Variants in XIRP1 observed in about 807,000 individuals in gnomAD.
XIRP1 encodes the protein xin actin binding repeat containing 1, also known as xin actin-binding repeat-containing protein 1.
For synonymous variants in XIRP1, 984 were observed against 947.0 expected, an observed-to-expected ratio of 1.04 and a Z score of -0.72; for missense variants, 2,378 against 2,345.4, an observed-to-expected ratio of 1.01 and a Z score of -0.29.
rs1049241332 is a variant in XIRP1 at position 39,188,168 on chromosome 3, CTG to C, written c.1276_1277del (p.Gln426GlufsTer7). The C allele has an allele frequency of 3.7e-5, 59 of 1,614,064 alleles. No individual in the cohort carries two copies. The highest frequency in any genetic ancestry group is 4.7e-5 in the Non-Finnish European group (56 of 1,180,028). ...SDSSSALPFS[Q>X]SAPQRDELKG... is the part of the protein sequence containing the mutation. ...TTAGCTCATCCCTCTGGGGGGCACT[CTG>C]AGAGAAGGGCAGTGCTGAGGAGCTG... On this transcript the variant is annotated frameshift_variant, in exon 2 of 2. Transcript: ENST00000340369. LOFTEE classifies it low-confidence loss of function (END_TRUNC).
In XIRP1 at chr3:39,183,582, G is replaced by A. The variant is rs932521176; in HGVS notation, c.*332C>T. On this transcript the variant is annotated 3_prime_UTR_variant, in exon 2 of 2. Coordinates refer to ENST00000340369, the MANE Select transcript of XIRP1 (RefSeq NM_194293.4). ...GGGGGGCTCCAATTCAGGCAGTGGT[G>A]TGCAAATTCACACATGTCGATGCGT... is the stretch of plus-strand genomic sequence containing the variant. 10 of 293,822 alleles carry A rather than the reference G, an allele frequency of 3.4e-5. No homozygotes were observed. The highest frequency in any genetic ancestry group is 2.9e-4 in the South Asian group (4 of 13,852). The allele number at this position is 293,822 out of a possible 1,614,324, so 18.2% of individuals were successfully genotyped here.
Position 39,186,815 on chromosome 3 carries a change from C to G in XIRP1, c.2631G>C (p.Glu877Asp). 1 of 1,613,984 alleles carries G rather than the reference C, an allele frequency of 6.2e-7. No homozygotes were observed. The highest frequency in any genetic ancestry group is 1.1e-5 in the South Asian group (1 of 91,084). Reference sequence around the variant, plus strand: ...GACCGCAAGCCAGCAGCTGCTGGAGCTCAGGGTCCATGTCTTCAATATTCC... The same window carrying G: ...GACCGCAAGCCAGCAGCTGCTGGAGGTCAGGGTCCATGTCTTCAATATTCC... ...SSGNIEDMDPELQQLLACGLG... is the reference protein window; with the variant it reads ...SSGNIEDMDPDLQQLLACGLG... The change falls in exon 2 of 2, where the codon GAG becomes GAC. Residue 877 changes from glutamate to aspartate, a missense_variant. Glu to Asp is a conservative substitution (Grantham distance 45). Coordinates refer to ENST00000340369, the MANE Select transcript of XIRP1 (RefSeq NM_194293.4).
chr3:39,190,852 C>G (rs1056457498), intron 1 of XIRP1, among the ~76,000 whole-genome samples: 3 of 152,198 alleles, frequency 2.0e-5, no homozygotes, highest in Non-Finnish European at 4.4e-5. Flanking sequence ...GGCCTCAGAA[C>G]AGCAGCCCTG....
Position 39,184,413 on chromosome 3 carries a change from GC to G in XIRP1, c.5032del (p.Ala1678ProfsTer6). On this transcript the variant is annotated frameshift_variant, in exon 2 of 2. Coordinates refer to ENST00000340369, the MANE Select transcript of XIRP1 (RefSeq NM_194293.4). LOFTEE classifies it low-confidence loss of function (END_TRUNC). ...GGGAGTCTCTAGAGGCTTCCTTGTGGCCGACTGGATGGAGATAAATGTTGGG... is the reference window on the plus strand; with the variant it reads ...GGGAGTCTCTAGAGGCTTCCTTGTGGCGACTGGATGGAGATAAATGTTGGG... ...SSPTFISIQS[A>X]TRKPLETPSF... 6.2e-7 allele frequency: 1 copy of G among 1,614,196 alleles called. No homozygotes were observed. Among genetic ancestry groups the G allele is most frequent in the Non-Finnish European group, 8.5e-7 (1 of 1,180,040 alleles).
At position 39,188,281 on chromosome 3, in the gene XIRP1, G is replaced by T; in HGVS notation, c.1165C>A (p.Pro389Thr). The part of the protein sequence containing the change: ...RSTLWLFETK[P>T]LDAFRDKVQV... The stretch of plus-strand genomic sequence containing the variant: ...ACCTTGTCTCTGAAAGCATCCAGGG[G>T]CTTTGTTTCAAATAGCCACAGGGTG... Residue 389 changes from proline to threonine, a missense_variant, in exon 2 of 2, where the codon CCC becomes ACC. Coordinates refer to ENST00000340369, the MANE Select transcript of XIRP1 (RefSeq NM_194293.4). The T allele has an allele frequency of 6.2e-7, 1 of 1,614,188 alleles. No homozygotes were observed. The highest frequency in any genetic ancestry group is 1.1e-5 in the South Asian group (1 of 91,080).
Position 39,185,802 on chromosome 3 carries a change from C to T in XIRP1, c.3644G>A (p.Cys1215Tyr). The change falls in exon 2 of 2, where the codon TGC becomes TAC. Residue 1215 changes from cysteine (C) to tyrosine (Y), a missense_variant. Transcript: ENST00000340369. ...CTCTGCAGCTTGGAGGCCCCCTGGG[C>T]AGACTTCTGCCATCGCCTTCCCTGG... The part of the protein sequence containing the change: ...GPPGKAMAEV[C>Y]PGGLQAAETT... 6.2e-7 allele frequency: 1 copy of T among 1,613,254 alleles called. No homozygotes were observed. The highest frequency in any genetic ancestry group is 8.5e-7 in the Non-Finnish European group (1 of 1,179,620).
rs1559751663 is a variant in XIRP1, at chr3:39,187,931, G to A, written c.1515C>T (p.Val505=). The A allele has an allele frequency of 1.9e-6, 3 of 1,614,122 alleles. No individual in the cohort carries two copies. Among genetic ancestry groups the A allele is most frequent in the South Asian group, 1.1e-5 (1 of 91,078 alleles). The stretch of plus-strand genomic sequence containing the variant: ...ACCTGTAGCCCTGCACATCACCTCC[G>A]ACTATCTGCTCTCTGCTAACAGAGG... The part of the protein sequence containing the change: ...ALTSVSREQI[V]GGDVQGYRWM... The change falls in exon 2 of 2, where the codon GTC becomes GTT. Residue 505 remains valine (V), a synonymous_variant. Coordinates refer to ENST00000340369, the MANE Select transcript of XIRP1 (RefSeq NM_194293.4).
chr3:39,184,051 G>T lies in XIRP1; in HGVS notation c.5395C>A (p.Pro1799Thr). ...GCGTGGAGCCCGAGGTGGGAGCCTGGGTTCCTGGGTGGCTCTGCCTGCTCG... is the reference window on the plus strand; with the variant it reads ...GCGTGGAGCCCGAGGTGGGAGCCTGTGTTCCTGGGTGGCTCTGCCTGCTCG... ...VTEQAEPPRN[P>T]GSHLGLHASP... is the part of the protein sequence containing the mutation. Residue 1799 changes from proline (P) to threonine (T), a missense_variant, in exon 2 of 2, where the codon CCA becomes ACA. Pro to Thr is a conservative substitution (Grantham distance 38). Coordinates refer to ENST00000340369, the MANE Select transcript of XIRP1 (RefSeq NM_194293.4). 1 of 1,611,390 alleles carries T rather than the reference G, an allele frequency of 6.2e-7. No individual in the cohort carries two copies. The highest frequency in any genetic ancestry group is 1.1e-5 in the South Asian group (1 of 90,810).
chr3:39,186,057 C>T lies in XIRP1; in HGVS notation c.3389G>A (p.Gly1130Glu). 4 of 1,614,138 alleles carry T rather than the reference C, an allele frequency of 2.5e-6. No individual in the cohort carries two copies. The highest frequency in any genetic ancestry group is 3.4e-6 in the Non-Finnish European group (4 of 1,179,996). Reference protein sequence around the residue: ...VSREEQALPRGLPGGWVTIQD... With the variant: ...VSREEQALPRELPGGWVTIQD... ...AATTGTCACCCACCCCCCAGGCAGC[C>T]CTCTGGGTAGTGCTTGCTCTTCCCT... The change falls in exon 2 of 2, where the codon GGG becomes GAG. Residue 1130 changes from glycine to glutamate, a missense_variant. By Grantham distance (98) the Gly-to-Glu change is moderately conservative. Coordinates refer to ENST00000340369, the MANE Select transcript of XIRP1 (RefSeq NM_194293.4).
rs1195574984 is a variant in XIRP1 at position 39,186,529 on chromosome 3, C to T, written c.2917G>A (p.Val973Ile). 6.2e-7 allele frequency: 1 copy of T among 1,612,580 alleles called. No individual in the cohort carries two copies. Among genetic ancestry groups the T allele is most frequent in the Non-Finnish European group, 8.5e-7 (1 of 1,179,344 alleles). The change falls in exon 2 of 2, where the codon GTT becomes ATT. Residue 973 changes from valine to isoleucine, a missense_variant. Transcript: ENST00000340369. ...CCCATGCTGGGGTCCAGTGGGGGAACATGGATGATGCTCTCAGTTGGGTGC... is the reference window on the plus strand; with the variant it reads ...CCCATGCTGGGGTCCAGTGGGGGAATATGGATGATGCTCTCAGTTGGGTGC... ...SLHPTESIIH[V>I]PPLDPSMGMG...
At position 39,187,998 on chromosome 3, in the gene XIRP1, A is replaced by C; in HGVS notation, c.1448T>G (p.Val483Gly). 1 of 1,614,200 alleles carries C rather than the reference A, an allele frequency of 6.2e-7. No homozygotes were observed. The highest frequency in any genetic ancestry group is 8.5e-7 in the Non-Finnish European group (1 of 1,180,030). ...AGQAQGIGSPVYAMQDSKGRL... is the reference protein window; with the variant it reads ...AGQAQGIGSPGYAMQDSKGRL... ...GCCCTTGCTGTCCTGCATGGCATAC[A>C]CTGGGGACCCTATGCCCTGGGCCTG... The change falls in exon 2 of 2, where the codon GTG becomes GGG. Residue 483 changes from valine to glycine, a missense_variant. By Grantham distance (109) the Val-to-Gly change is moderately radical (BLOSUM62 -3). Coordinates refer to ENST00000340369, the MANE Select transcript of XIRP1 (RefSeq NM_194293.4).
At position 39,188,501 on chromosome 3, in the gene XIRP1, G is replaced by A. The variant is rs986955136; in HGVS notation, c.945C>T (p.Pro315=). ...SATRWIFETQ[P]LDAIREILVD... ...CCAAGATCTCCCGGATGGCATCCAG[G>A]GGCTGTGTCTCAAAGATCCAGCGAG... is the stretch of plus-strand genomic sequence containing the variant. Residue 315 remains proline (P), a synonymous_variant, in exon 2 of 2, where the codon CCC becomes CCT. Coordinates refer to ENST00000340369, the MANE Select transcript of XIRP1 (RefSeq NM_194293.4). The A allele has an allele frequency of 5.0e-6, 8 of 1,605,430 alleles. No homozygotes were observed. Among genetic ancestry groups the A allele is most frequent in the Non-Finnish European group, 6.8e-6 (8 of 1,173,430 alleles).
In XIRP1 at chr3:39,188,502, G is replaced by A; in HGVS notation, c.944C>T (p.Pro315Leu). 2 of 1,605,804 alleles carry A rather than the reference G, an allele frequency of 1.2e-6. No individual in the cohort carries two copies. Among genetic ancestry groups the A allele is most frequent in the Non-Finnish European group, 1.7e-6 (2 of 1,173,722 alleles). The change falls in exon 2 of 2, where the codon CCC (proline) becomes CTC (leucine). Residue 315 changes from proline to leucine, a missense_variant. Physicochemically the swap from Pro to Leu is moderately conservative, Grantham distance 98 (BLOSUM62 -3). Transcript: ENST00000340369. ...SATRWIFETQ[P>L]LDAIREILVD... ...CAAGATCTCCCGGATGGCATCCAGGGGCTGTGTCTCAAAGATCCAGCGAGT... is the reference window on the plus strand; with the variant it reads ...CAAGATCTCCCGGATGGCATCCAGGAGCTGTGTCTCAAAGATCCAGCGAGT...
At position 39,185,437 on chromosome 3, in the gene XIRP1, G is replaced by A. The variant is rs201713841; in HGVS notation, c.4009C>T (p.His1337Tyr). 2.6e-4 allele frequency: 415 copies of A among 1,609,112 alleles called. 1 individual carries two copies. In the East Asian group the frequency reaches 5.9e-3, roughly 23 times the overall value. ...PPKPAHLTQSHPPQRLPKPLP... is the reference protein window; with the variant it reads ...PPKPAHLTQSYPPQRLPKPLP... ...GGCTTGGGCAGCCTCTGAGGAGGGT[G>A]GCTCTGGGTTAGGTGTGCAGGTTTA... Residue 1337 changes from histidine (H) to tyrosine (Y), a missense_variant, in exon 2 of 2, where the codon CAC becomes TAC. By Grantham distance (83) the His-to-Tyr change is moderately conservative (BLOSUM62 2). Transcript: ENST00000340369.
In XIRP1 at chr3:39,188,004, G is replaced by C. The variant is rs199532332; in HGVS notation, c.1442C>G (p.Ser481Cys). Residue 481 changes from serine (S) to cysteine (C), a missense_variant, in exon 2 of 2, where the codon TCC becomes TGC. Transcript: ENST00000340369. ...GCTGTCCTGCATGGCATACACTGGG[G>C]ACCCTATGCCCTGGGCCTGCCCAGC... ...DSAGQAQGIG[S>C]PVYAMQDSKG... is the part of the protein sequence containing the mutation. The C allele has an allele frequency of 4.2e-5, 67 of 1,614,170 alleles. No individual in the cohort carries two copies. In the African/African-American group the frequency reaches 7.6e-4, roughly 18 times the overall value.
rs762520385 is a variant in XIRP1 at position 39,186,491 on chromosome 3, C to G, written c.2955G>C (p.Leu985=). The stretch of plus-strand genomic sequence containing the variant: ...GGCAAGGGGTGGCCCCTGAGGCTCT[C>G]AGATGCCCCATCCCCATGCTGGGGT... ...PLDPSMGMGH[L]RASGATPCPP... Residue 985 remains leucine (L), a synonymous_variant, in exon 2 of 2, where the codon CTG becomes CTC. Coordinates refer to ENST00000340369, the MANE Select transcript of XIRP1 (RefSeq NM_194293.4). 7.4e-6 allele frequency: 12 copies of G among 1,613,656 alleles called. No homozygotes were observed. The highest frequency in any genetic ancestry group is 9.3e-6 in the Non-Finnish European group (11 of 1,179,818).
chr3:39,183,888 G>A lies in XIRP1; in HGVS notation c.*26C>T, dbSNP rs763558519. 3 of 1,597,900 alleles carry A rather than the reference G, an allele frequency of 1.9e-6. No homozygotes were observed. The East Asian group carries it at 6.7e-5, about 36-fold the overall frequency. On this transcript the variant is annotated 3_prime_UTR_variant, in exon 2 of 2. Transcript: ENST00000340369. ...GGGCAGTGGAGGCCAGGAACAGGTG[G>A]CAGGTGTGGTGGGAGGCGGTGGGCC...
chr3:39,190,438 C>T (rs1483589571), intron 1 of XIRP1, among the ~76,000 whole-genome samples: 1 of 152,028 alleles, frequency 6.6e-6, no homozygotes, highest in Non-Finnish European at 1.5e-5. Flanking sequence ...AGCAGGCACC[C>T]CTGGGAGGAT....
Position 39,187,469 on chromosome 3 carries a change from G to A in XIRP1, c.1977C>T (p.Asp659=). The part of the protein sequence containing the change: ...SQVPAGERQT[D]RHVFETEPLQ... ...GAGGCTCGGTCTCAAAGACGTGTCT[G>A]TCTGTCTGTCTTTCCCCAGCCGGGA... Residue 659 remains aspartate, a synonymous_variant, in exon 2 of 2, where the codon GAC becomes GAT. Transcript: ENST00000340369. 6.2e-7 allele frequency: 1 copy of A among 1,614,056 alleles called. No homozygotes were observed. The highest frequency in any genetic ancestry group is 8.5e-7 in the Non-Finnish European group (1 of 1,180,040).
Sources: allele counts gnomAD v4.1 joint callset (sites outside exome capture counted in the v4.1 genomes callset), GRCh38; gene constraint gnomAD v4.1.1; transcripts MANE v1.5; gene names NCBI Gene and HGNC (gene_info 2026-07-23, HGNC 2026-07-21).